The following ABCD2 variants were observed in gnomAD, a reference collection of about 807,000 sequenced individuals.
ABCD2 encodes ATP-binding cassette sub-family D member 2.
Under a neutral mutation model 70.9 loss-of-function variants are expected in ABCD2, and 36 were observed. The observed-to-expected ratio is 0.51, with a 90% CI of 0.39 to 0.67. The LOEUF (loss-of-function observed/expected upper bound fraction) is 0.67, where lower values mean the gene tolerates loss of function less well. ABCD2 is among the 30% of genes least tolerant of loss of function. The pLI, the probability that ABCD2 is intolerant of heterozygous loss-of-function variation, is 0.00. For synonymous variants in ABCD2, 304 were observed against 306.9 expected, an observed-to-expected ratio of 0.99 and a Z score of 0.10; for missense variants, 729 against 890.2, an observed-to-expected ratio of 0.82 and a Z score of 2.30.
intron 9 of ABCD2, among the ~76,000 whole-genome samples, chr12:39,567,662 G>T (rs1233967106): frequency 6.6e-6 from 1 of 152,000 alleles, no homozygotes; most frequent in Non-Finnish European, 1.5e-5. Context: ...ATTTGATCCT[G>T]TCATTATGAT....
chr12:39,617,509 C>T (rs1942132797), intron 1 of ABCD2, among the ~76,000 whole-genome samples: 1 of 152,012 alleles, frequency 6.6e-6, no homozygotes. Context: ...TGAAAATGGA[C>T]ACATGACATA....
At chr12:39,575,090 T>C (rs567887117) in intron 8 of ABCD2, among the ~76,000 whole-genome samples, 81 of 152,306 alleles carry the variant, frequency 5.3e-4, no homozygotes, top group African/African-American at 1.8e-3. Flanking sequence ...GGATGAATGA[T>C]ATTTTTAAGT....
chr12:39,580,807 G>A (rs1377811711), intron 7 of ABCD2, among the ~76,000 whole-genome samples: 2 of 152,062 alleles, frequency 1.3e-5, no homozygotes, highest in East Asian at 3.9e-4. Context: ...TTGCTCAGCT[G>A]AATTTTTACC....
At chr12:39,549,143 T>C (rs1941055075), downstream of ABCD2, among the ~76,000 whole-genome samples, 1 of 151,932 alleles carries the variant, frequency 6.6e-6, no homozygotes. Flanking sequence ...GACCATCTAC[T>C]GGCAAAGGAT....
chr12:39,582,521 A>C (rs950024919), intron 7 of ABCD2, among the ~76,000 whole-genome samples: 6 of 152,198 alleles, frequency 3.9e-5, no homozygotes, highest in African/African-American at 1.4e-4. Context: ...AAAGAATAGA[A>C]TATTTCATGT....
rs547321277 is a variant in ABCD2, at chr12:39,576,152, TTTG to T, written c.1878-2314_1878-2312del. ...GTCATAAATGCCAAGCTGTAAAGTT[TTTG>T]TTGTTGTTGTTGTTGTTGTTTTTGA... On this transcript the variant is annotated intron_variant, in intron 8 of 9. Coordinates refer to ENST00000308666, the MANE Select transcript of ABCD2 (RefSeq NM_005164.4). Among the ~76,000 whole-genome samples the T allele has an allele frequency of 6.2e-3, 938 of 151,986 alleles. 8 individuals carry two copies. The highest frequency in any genetic ancestry group is 0.021 in the African/African-American group (867 of 41,454).
Position 39,600,705 on chromosome 12 carries a change from T to C in ABCD2, c.1512A>G (p.Gly504=). The part of the protein sequence containing the change: ...ASRLNFKVEE[G]MHLLITGPNG... ...TGGGACCAGTTATCAAAAGATGCAT[T>C]CCTTCTTCTACCTAAAGTAAGAAAT... is the stretch of plus-strand genomic sequence containing the variant. Residue 504 remains glycine, a synonymous_variant, in exon 6 of 10, where the codon GGA becomes GGG. Transcript: ENST00000308666. The C allele has an allele frequency of 6.2e-7, 1 of 1,607,854 alleles. No homozygotes were observed.
At position 39,604,067 on chromosome 12, in the gene ABCD2, A is replaced by T. The variant is rs143047097; in HGVS notation, c.1406-61T>A. ...TCACAGGTTTCTGATTAAATAACGT[A>T]AATTATTATGCAGTATAACAGGTAA... On this transcript the variant is annotated intron_variant, in intron 4 of 9. Coordinates refer to ENST00000308666, the MANE Select transcript of ABCD2 (RefSeq NM_005164.4). 3.7e-3 allele frequency: 4,283 copies of T among 1,152,764 alleles called. 16 individuals are homozygous for T. Among genetic ancestry groups the T allele is most frequent in the Non-Finnish European group, 4.9e-3 (3,798 of 772,168 alleles). 71.4% of individuals were successfully genotyped at this position (1,152,764 alleles called of 1,614,324 possible).
intron 9 of ABCD2, among the ~76,000 whole-genome samples, chr12:39,560,989 GGAA>G (rs1224068429): frequency 2.0e-5 from 3 of 152,130 alleles, no homozygotes; most frequent in African/African-American, 7.2e-5. Context: ...GAAGAAAAAA[GGAA>G]GAAAATATCT....
intron 3 of ABCD2, among the ~76,000 whole-genome samples, chr12:39,607,226 T>G (rs1243485015): frequency 2.6e-5 from 4 of 152,280 alleles, no homozygotes; most frequent in East Asian, 1.9e-4. Flanking sequence ...ATATCCCCAT[T>G]TTATAGATGA....
intron 9 of ABCD2, among the ~76,000 whole-genome samples, chr12:39,561,627 A>T (rs1941260375): frequency 6.6e-6 from 1 of 152,208 alleles, no homozygotes; most frequent in African/African-American, 2.4e-5. Context: ...ATATAATAAT[A>T]AACAGGTCAA....
At chr12:39,555,331 G>T (rs1340835520) in intron 9 of ABCD2, among the ~76,000 whole-genome samples, 1 of 152,110 alleles carries the variant, frequency 6.6e-6, no homozygotes, top group Non-Finnish European at 1.5e-5. Flanking sequence ...TTATACAAAT[G>T]ATTTCAACGC....
Position 39,554,194 on chromosome 12 carries a change from G to A in ABCD2, c.2004-63C>T, listed in dbSNP as rs1941128066. On this transcript the variant is annotated intron_variant, in intron 9 of 9. Coordinates refer to ENST00000308666, the MANE Select transcript of ABCD2 (RefSeq NM_005164.4). ...TGTTGAAAAATCATTTTAGTTGTAG[G>A]TTTATCATTCAAATTGATACCCAAA... 6.0e-6 allele frequency: 9 copies of A among 1,488,654 alleles called. No homozygotes were observed. The South Asian group carries it at 1.2e-4, about 19-fold the overall frequency. 92.2% of individuals were successfully genotyped at this position (1,488,654 alleles called of 1,614,324 possible).
intron 6 of ABCD2, among the ~76,000 whole-genome samples, chr12:39,599,550 T>A (rs1941867572): frequency 6.6e-6 from 1 of 152,188 alleles, no homozygotes; most frequent in East Asian, 1.9e-4. Flanking sequence ...TGTCCAGCAT[T>A]TTCAGCCAAT....
At chr12:39,534,408 A>G in the ABCD2 span, among the ~76,000 whole-genome samples, 1 of 152,162 alleles carries the variant, frequency 6.6e-6, no homozygotes, top group African/African-American at 2.4e-5. Flanking sequence ...CCCTCCTATC[A>G]TTAGTTTCTC....
intron 1 of ABCD2, 23 bp downstream of exon 1, chr12:39,618,654 C>A: frequency 1.3e-6 from 2 of 1,588,628 alleles, no homozygotes; most frequent in Admixed American, 1.7e-5. Flanking sequence ...ACATTTCACC[C>A]ATCACCTTAA....
the ABCD2 span, among the ~76,000 whole-genome samples, chr12:39,540,794 C>G: frequency 1.6e-4 from 25 of 152,186 alleles, no homozygotes; most frequent in Non-Finnish European, 3.4e-4. Flanking sequence ...CCCTCCCTTC[C>G]CCCACCAGCT....
intron 4 of ABCD2, among the ~76,000 whole-genome samples, chr12:39,604,337 T>A (rs1941941332): frequency 6.6e-6 from 1 of 151,688 alleles, no homozygotes; most frequent in Non-Finnish European, 1.5e-5. Flanking sequence ...AATTAACATA[T>A]CCTATAGAAA....
At chr12:39,600,901 G>A (rs953447558) in intron 5 of ABCD2, among the ~76,000 whole-genome samples, 185 bp from the exon 6 acceptor site, 20 of 152,074 alleles carry the variant, frequency 1.3e-4, no homozygotes, top group African/African-American at 4.6e-4. Context: ...GAAGCTAAAA[G>A]CATCATAAAA....
Sources: allele counts gnomAD v4.1 joint callset (sites outside exome capture counted in the v4.1 genomes callset), GRCh38; gene constraint gnomAD v4.1.1; transcripts MANE v1.5; gene names NCBI Gene and HGNC (gene_info 2026-07-23, HGNC 2026-07-21).